The following DPP6 variants were observed in gnomAD, a reference collection of about 807,000 sequenced individuals.
The protein encoded by DPP6 is A-type potassium channel modulatory protein DPP6.
In DPP6, 69 loss-of-function variants were observed where a neutral mutation model predicts 122.6. The ratio of observed to expected loss-of-function variants is 0.56; its 90% CI spans 0.46 to 0.69. DPP6 has a LOEUF of 0.69. Among genes scored for constraint, DPP6 ranks in the 30% least tolerant of loss-of-function variants. The pLI, the probability that DPP6 is intolerant of heterozygous loss-of-function variation, is 0.00. For missense variants in DPP6, 928 were observed against 1,116.9 expected, an observed-to-expected ratio of 0.83 and a Z score of 2.41; for synonymous variants, 418 against 433.1, an observed-to-expected ratio of 0.97 and a Z score of 0.43.
At chr7:154,167,814 A>C (rs1288023413) in intron 1 of DPP6, among the ~76,000 whole-genome samples, 1 of 152,232 alleles carries the variant, frequency 6.6e-6, no homozygotes, top group Non-Finnish European at 1.5e-5. Context: ...TAAACCCTAC[A>C]AACTGCTCAG....
chr7:153,822,010 C>A, the DPP6 span, among the ~76,000 whole-genome samples: 61 of 152,272 alleles, frequency 4.0e-4, no homozygotes, highest in Non-Finnish European at 7.9e-4. Flanking sequence ...ATATTCCCAA[C>A]TCTCCCTCTC....
chr7:153,814,191 A>C, the DPP6 span, among the ~76,000 whole-genome samples: 6 of 152,044 alleles, frequency 3.9e-5, no homozygotes, highest in African/African-American at 1.4e-4. Context: ...AGGACCAACA[A>C]AATTGATAGA....
the DPP6 span, among the ~76,000 whole-genome samples, chr7:153,829,782 C>A: frequency 1.3e-5 from 2 of 152,220 alleles, no homozygotes; most frequent in African/African-American, 4.8e-5. Context: ...TGGTGTCCAA[C>A]AGGGAGCCGG....
chr7:154,150,350 A>C (rs1481011238), intron 1 of DPP6, among the ~76,000 whole-genome samples: 1 of 152,160 alleles, frequency 6.6e-6, no homozygotes, highest in East Asian at 1.9e-4. Flanking sequence ...GATGGGGGAA[A>C]CCAATCCTGG....
chr7:154,261,019 C>T (rs1802981295), intron 1 of DPP6, among the ~76,000 whole-genome samples: 2 of 151,962 alleles, frequency 1.3e-5, no homozygotes, highest in South Asian at 2.1e-4. Context: ...CCTCAGCCTC[C>T]CAAGTAGTTG....
intron 1 of DPP6, among the ~76,000 whole-genome samples, chr7:154,344,585 C>T (rs529864862): frequency 3.9e-5 from 6 of 152,200 alleles, no homozygotes; most frequent in East Asian, 3.9e-4. Context: ...TACCAGCCTG[C>T]GATACATGCT....
chr7:154,576,386 G>A (rs926475199), intron 5 of DPP6, among the ~76,000 whole-genome samples: 6 of 152,072 alleles, frequency 3.9e-5, no homozygotes, highest in Non-Finnish European at 8.8e-5. Flanking sequence ...GTGCTCCTGA[G>A]TCCCTTCCAA....
At chr7:153,821,972 G>A in the DPP6 span, among the ~76,000 whole-genome samples, 153 of 152,198 alleles carry the variant, frequency 1.0e-3, no homozygotes, top group African/African-American at 3.6e-3. Context: ...GCCTCTCCAG[G>A]GGAGCCCTTC....
At chr7:153,843,612 T>C in the DPP6 span, among the ~76,000 whole-genome samples, 1 of 152,148 alleles carries the variant, frequency 6.6e-6, no homozygotes, top group South Asian at 2.1e-4. Context: ...GTGAGGGATT[T>C]AGGGTCATTT....
chr7:154,598,596 AT>A (rs993452385), intron 5 of DPP6, among the ~76,000 whole-genome samples: 1 of 152,224 alleles, frequency 6.6e-6, no homozygotes, highest in African/African-American at 2.4e-5. Flanking sequence ...GGCTGCAGTT[AT>A]CCCCTAGAAA....
chr7:154,694,755 C>T (rs1840121956), intron 7 of DPP6, among the ~76,000 whole-genome samples: 2 of 152,146 alleles, frequency 1.3e-5, no homozygotes, highest in Admixed American at 1.3e-4. Flanking sequence ...TTTCCTAAAC[C>T]TGGGGTTACC....
chr7:154,724,173 C>T (rs2131353181), intron 7 of DPP6, among the ~76,000 whole-genome samples: 1 of 152,194 alleles, frequency 6.6e-6, no homozygotes, highest in African/African-American at 2.4e-5. Context: ...TTCAAAAGCT[C>T]CCCAGGCCAT....
In DPP6 at chr7:154,710,500, T is replaced by C. The variant is rs555184664; in HGVS notation, c.763-17267T>C. On this transcript the variant is annotated intron_variant, in intron 7 of 25. Transcript: ENST00000377770. ...CTGGTAATCCTAACTTGCTGTTATA[T>C]GGCCTATTGATGAAACCACTCGGGA... 1.1e-3 allele frequency among the ~76,000 whole-genome samples: 165 copies of C among 152,272 alleles called. 1 individual carries two copies. The highest frequency in any genetic ancestry group is 0.01 in the Middle Eastern group (3 of 294).
intron 7 of DPP6, among the ~76,000 whole-genome samples, chr7:154,674,653 G>A (rs1207086080): frequency 2.0e-5 from 3 of 152,228 alleles, no homozygotes; most frequent in Non-Finnish European, 4.4e-5. Flanking sequence ...TAAATGAAGA[G>A]CTTTGAATGG....
At chr7:154,350,527 G>C (rs1810763929) in intron 1 of DPP6, among the ~76,000 whole-genome samples, 1 of 152,122 alleles carries the variant, frequency 6.6e-6, no homozygotes, top group African/African-American at 2.4e-5. Flanking sequence ...ATTCATGATG[G>C]GGGACTACTG....
chr7:153,918,650 G>T (rs13246510), intron 1 of DPP6, among the ~76,000 whole-genome samples: 177 of 147,186 alleles, frequency 1.2e-3, no homozygotes, highest in Non-Finnish European at 1.9e-3. Flanking sequence ...TATCATCTCT[G>T]TGTAGCCAAG....
rs1307379263 is a variant in DPP6 at position 154,801,207 on chromosome 7, C to T, written c.1300-148C>T. The T allele has an allele frequency of 3.9e-5, 43 of 1,098,808 alleles. No homozygotes were observed. In the South Asian group the frequency reaches 5.9e-4, roughly 15 times the overall value. The allele number at this position is 1,098,808 out of a possible 1,614,324, so 68.1% of individuals were successfully genotyped here. A position where few individuals can be genotyped will look rare whatever the true frequency, so the allele number is the denominator to read the frequency against. ...GACTCATGATTCCCGAGGAAAGTGA[C>T]GGCCTCATCAAGCACTTATTATTTC... On this transcript the variant is annotated intron_variant, in intron 12 of 25. Transcript: ENST00000377770.
intron 7 of DPP6, among the ~76,000 whole-genome samples, chr7:154,694,150 C>A (rs183544149): frequency 3.3e-5 from 5 of 152,198 alleles, no homozygotes; most frequent in African/African-American, 1.2e-4. Flanking sequence ...GACAAGGGAC[C>A]CCTCTGTGTT....
rs1277954487 is a variant in DPP6, at chr7:154,475,054, C to T, written c.457+17C>T. The T allele has an allele frequency of 7.5e-6, 12 of 1,590,162 alleles. No homozygotes were observed. The highest frequency in any genetic ancestry group is 2.7e-5 in the African/African-American group (2 of 74,328). The stretch of plus-strand genomic sequence containing the variant: ...GGATAAGTGGTGAGTCCAGGTCCTT[C>T]GTGCACAAGACATCGCTTCCCCATG... On this transcript the variant is annotated intron_variant, in intron 3 of 25. Coordinates refer to ENST00000377770, the MANE Select transcript of DPP6 (RefSeq NM_130797.4).
Sources: allele counts gnomAD v4.1 joint callset (sites outside exome capture counted in the v4.1 genomes callset), GRCh38; gene constraint gnomAD v4.1.1; transcripts MANE v1.5; gene names NCBI Gene and HGNC (gene_info 2026-07-23, HGNC 2026-07-21).